Variants in MICALL1 observed in about 807,000 individuals in gnomAD.
MICALL1 encodes MICAL-like protein 1.
MICALL1 carries 61 observed loss-of-function variants against 83.7 expected under a neutral mutation model. The ratio of observed to expected loss-of-function variants is 0.73; its 90% CI spans 0.59 to 0.90. The LOEUF (loss-of-function observed/expected upper bound fraction) is 0.90. Ranked by LOEUF, MICALL1 falls within the 40% of genes least tolerant of loss-of-function variation. MICALL1 has a pLI of 0.00. For missense variants in MICALL1, 1,066 were observed against 1,152.0 expected (o/e 0.93, Z 1.08); for synonymous variants, 481 against 473.6 (o/e 1.02, Z -0.20).
In MICALL1 at chr22:37,941,629, A is replaced by G. The variant is rs1324617237; in HGVS notation, c.*799A>G. The stretch of plus-strand genomic sequence containing the variant: ...AAGGGTGCACTTGAAGCAGGTGCTC[A>G]TCTCGGTTCCTTAACGTTTATAGTC... On this transcript the variant is annotated 3_prime_UTR_variant, in exon 16 of 16. Transcript: ENST00000215957. 6.6e-6 allele frequency: 1 copy of G among 152,174 alleles called. No homozygotes were observed. The allele number at this position is 152,174 out of a possible 1,614,324, so 9.4% of individuals were successfully genotyped here.
At chr22:37,938,263 G>A (rs374755951) in intron 15 of MICALL1, among the ~76,000 whole-genome samples, 4 of 151,920 alleles carry the variant, frequency 2.6e-5, no homozygotes, top group African/African-American at 7.3e-5. Context: ...TTAGTCAGGC[G>A]TGGTGGCGAG....
At chr22:37,914,019 G>A (rs1191783755) in intron 3 of MICALL1, among the ~76,000 whole-genome samples, 6 of 151,762 alleles carry the variant, frequency 4.0e-5, no homozygotes, top group Non-Finnish European at 7.4e-5. Flanking sequence ...GGGATTACAG[G>A]CATGCACCAA....
intron 13 of MICALL1, among the ~76,000 whole-genome samples, chr22:37,936,647 C>G (rs975777910): frequency 6.6e-6 from 1 of 152,212 alleles, no homozygotes; most frequent in African/African-American, 2.4e-5. Context: ...AATCCCAGCA[C>G]TTTGGGAGGC....
In MICALL1 at chr22:37,940,195, C is replaced by T. The variant is rs566412963; in HGVS notation, c.2471-514C>T. Reference sequence around the variant, plus strand: ...ATCCTAGCAGTTTGGGAGGCTGAGGCGGGGGGGATCACGAGGTCAGGAGAT... The same window carrying T: ...ATCCTAGCAGTTTGGGAGGCTGAGGTGGGGGGGATCACGAGGTCAGGAGAT... On this transcript the variant is annotated intron_variant, in intron 15 of 15. Transcript: ENST00000215957. Among the ~76,000 whole-genome samples, 22 of 151,970 alleles carry T rather than the reference C, an allele frequency of 1.4e-4. No homozygotes were observed. The East Asian group carries it at 2.5e-3, about 17-fold the overall frequency.
chr22:37,936,631 G>A (rs1429020296), intron 13 of MICALL1, among the ~76,000 whole-genome samples: 3 of 152,146 alleles, frequency 2.0e-5, no homozygotes, highest in African/African-American at 4.8e-5. Flanking sequence ...GGTGGCTCAC[G>A]CCTGTAATCC....
In MICALL1 at chr22:37,932,849, A is replaced by G. The variant is rs753218230; in HGVS notation, c.2195A>G (p.Lys732Arg). The G allele has an allele frequency of 4.2e-5, 68 of 1,613,988 alleles. No individual in the cohort carries two copies. The highest frequency in any genetic ancestry group is 5.8e-5 in the Non-Finnish European group (68 of 1,180,034). Reference protein sequence around the residue: ...LVDWFKLIHEKHLLVRRESEL... With the variant: ...LVDWFKLIHERHLLVRRESEL... ...GACTGGTTCAAGCTCATCCACGAGA[A>G]GCACCTACTGGTGCGGCGAGAGTCC... The change falls in exon 12 of 16, where the codon AAG becomes AGG. Residue 732 changes from lysine to arginine, a missense_variant. By Grantham distance (26) the Lys-to-Arg change is conservative. Coordinates refer to ENST00000215957, the MANE Select transcript of MICALL1 (RefSeq NM_033386.4). The surrounding 1 kb of genome is among the most constrained non-coding windows in gnomAD (Gnocchi z 4.4).
intron 2 of MICALL1, 42 bp from the exon 3 acceptor site, chr22:37,912,309 C>A (rs1391674268): frequency 6.4e-7 from 1 of 1,569,646 alleles, no homozygotes; most frequent in Admixed American, 1.8e-5. Context: ...CCTCCTCTTC[C>A]TGCTTCGGCT....
Position 37,906,331 on chromosome 22 carries a change from C to A in MICALL1, c.-92C>A. Reference sequence around the variant, plus strand: ...TCGGCGCCCGAGCTCGGAGCCGCAGCCGCAGCCGGAAACCGGGCCCGCGCG... The same window carrying A: ...TCGGCGCCCGAGCTCGGAGCCGCAGACGCAGCCGGAAACCGGGCCCGCGCG... On this transcript the variant is annotated 5_prime_UTR_variant, in exon 1 of 16. Transcript: ENST00000215957. The surrounding 1 kb of genome is among the most constrained non-coding windows in gnomAD (Gnocchi z 4.4). 1.1e-6 allele frequency: 1 copy of A among 929,194 alleles called. No individual in the cohort carries two copies. The highest frequency in any genetic ancestry group is 1.3e-6 in the Non-Finnish European group (1 of 777,542). 57.6% of individuals were successfully genotyped at this position (929,194 alleles called of 1,614,324 possible).
At chr22:37,928,093 A>G (rs1252582209) in intron 9 of MICALL1, among the ~76,000 whole-genome samples, 1 of 151,948 alleles carries the variant, frequency 6.6e-6, no homozygotes, top group Non-Finnish European at 1.5e-5. Context: ...TTTTTAGTAG[A>G]GTGGGGTTTT....
chr22:37,911,487 A>G (rs1366971507), intron 1 of MICALL1, among the ~76,000 whole-genome samples: 2 of 152,194 alleles, frequency 1.3e-5, no homozygotes, highest in African/African-American at 2.4e-5. Context: ...GTCCTCATCT[A>G]TAAAATGAGA....
At position 37,925,926 on chromosome 22, in the gene MICALL1, C is replaced by G. The variant is rs1312625338; in HGVS notation, c.1348C>G (p.Leu450Val). Residue 450 changes from leucine to valine, a missense_variant, in exon 8 of 16, where the codon CTG becomes GTG. Leu to Val is a conservative substitution (Grantham distance 32). Coordinates refer to ENST00000215957, the MANE Select transcript of MICALL1 (RefSeq NM_033386.4). ...ACCCAGCCTGGCCACCAGCCCTGCC[C>G]TGGGCCACCCGGAGTCCACACCCAA... ...AAPSLATSPALGHPESTPKSL... is the reference protein window; with the variant it reads ...AAPSLATSPAVGHPESTPKSL... 6.2e-7 allele frequency: 1 copy of G among 1,613,058 alleles called. No homozygotes were observed. The highest frequency in any genetic ancestry group is 8.5e-7 in the Non-Finnish European group (1 of 1,179,636).
At chr22:37,915,167 G>A (rs1277385889) in intron 3 of MICALL1, among the ~76,000 whole-genome samples, 1 of 152,002 alleles carries the variant, frequency 6.6e-6, no homozygotes. Context: ...TGGGAGGTTT[G>A]CTTGAGGCCA....
Position 37,932,609 on chromosome 22 carries a change from T to C in MICALL1, c.2073T>C (p.Ile691=). The change falls in exon 11 of 16, where the codon ATT becomes ATC. Residue 691 remains isoleucine, a synonymous_variant. Transcript: ENST00000215957. This position sits in a 1 kb window ranked among gnomAD's most constrained non-coding sequence, Gnocchi z 4.4. ...EEDIHGEMDT[I]ERRLDALEHR... ...ACATCCATGGAGAGATGGATACCAT[T>C]GAGCGCCGGCTGGATGCCCTGGAGC... The C allele has an allele frequency of 6.2e-7, 1 of 1,614,134 alleles. No homozygotes were observed. The highest frequency in any genetic ancestry group is 8.5e-7 in the Non-Finnish European group (1 of 1,180,006).
At position 37,913,930 on chromosome 22, in the gene MICALL1, C is replaced by T. The variant is rs866089586; in HGVS notation, c.337+1438C>T. ...TGCTCTTGTTGCCTAGGCTGGAGTG[C>T]GATGGCGCGATCTCGGCTTACTGCA... On this transcript the variant is annotated intron_variant, in intron 3 of 15. Transcript: ENST00000215957. Among the ~76,000 whole-genome samples, 17 of 146,938 alleles carry T rather than the reference C, an allele frequency of 1.2e-4. No individual in the cohort carries two copies. In the Middle Eastern group the frequency reaches 0.012, roughly 101 times the overall value.
chr22:37,934,843 A>G (rs963890125), intron 13 of MICALL1, among the ~76,000 whole-genome samples: 27 of 147,556 alleles, frequency 1.8e-4, no homozygotes, highest in South Asian at 4.3e-4. Flanking sequence ...TGATCCACCC[A>G]CCTTAGCCTC....
chr22:37,913,352 T>A (rs1260594788), intron 3 of MICALL1, among the ~76,000 whole-genome samples: 1 of 152,140 alleles, frequency 6.6e-6, no homozygotes, highest in African/African-American at 2.4e-5. Context: ...GTGGGGGAGA[T>A]AGACACCAAA....
chr22:37,920,536 G>A (rs538785323), intron 5 of MICALL1, among the ~76,000 whole-genome samples: 137 of 152,030 alleles, frequency 9.0e-4, no homozygotes, highest in Non-Finnish European at 1.7e-3. Flanking sequence ...CAGCACTTTC[G>A]GAGGCTGAGG....
chr22:37,912,361 TGG>T lies in MICALL1; in HGVS notation c.207_208del (p.Ala70Ter). 2 of 1,611,466 alleles carry T rather than the reference TGG, an allele frequency of 1.2e-6. No homozygotes were observed. The highest frequency in any genetic ancestry group is 1.7e-6 in the Non-Finnish European group (2 of 1,178,220). ...CTGTCACCACCCCAGGCCTTTGAAG[TGG>T]CTGAGAAGGAGCTGGGGATCCCCGC... On this transcript the variant is annotated frameshift_variant, in exon 3 of 16. Transcript: ENST00000215957. LOFTEE classifies it high-confidence loss of function.
At chr22:37,938,601 A>G (rs1930268594) in intron 15 of MICALL1, among the ~76,000 whole-genome samples, 1 of 148,984 alleles carries the variant, frequency 6.7e-6, no homozygotes, top group Admixed American at 6.7e-5. Context: ...CTACAGGCGC[A>G]TGCCATCACA....
Sources: allele counts gnomAD v4.1 joint callset (sites outside exome capture counted in the v4.1 genomes callset), GRCh38; gene constraint gnomAD v4.1.1; non-coding constraint Gnocchi (gnomAD v3.1); transcripts MANE v1.5; gene names NCBI Gene and HGNC (gene_info 2026-07-23, HGNC 2026-07-21).